The following ARHGAP42 variants were observed in gnomAD, a reference collection of about 807,000 sequenced individuals.
The protein encoded by ARHGAP42 is rho GTPase-activating protein 42.
A neutral mutation model predicts 125.0 loss-of-function variants in ARHGAP42; 63 were observed. That is an observed-to-expected ratio of 0.50 (90% CI 0.41 to 0.62). ARHGAP42 has a LOEUF of 0.62. ARHGAP42 is among the 20% of genes least tolerant of loss of function. The pLI, the probability that ARHGAP42 is intolerant of heterozygous loss-of-function variation, is 0.00. For synonymous variants in ARHGAP42, 339 were observed against 351.0 expected, an observed-to-expected ratio of 0.97 and a Z score of 0.38; for missense variants, 766 against 1,024.2, an observed-to-expected ratio of 0.75 and a Z score of 3.44.
At chr11:100,936,071 C>T in intron 7 of ARHGAP42, 132 bp from the exon 8 acceptor site, 1 of 1,108,268 alleles carries the variant, frequency 9.0e-7, no homozygotes. Context: ...TGCAGTGAGC[C>T]ATAATTGCAC....
intron 3 of ARHGAP42, among the ~76,000 whole-genome samples, chr11:100,848,889 G>A (rs1865134851): frequency 6.6e-6 from 1 of 152,174 alleles, no homozygotes; most frequent in Non-Finnish European, 1.5e-5. Flanking sequence ...ACATGGCATA[G>A]CCTTTCTGCT....
chr11:100,741,258 T>A (rs372286517), intron 1 of ARHGAP42, among the ~76,000 whole-genome samples: 10 of 152,250 alleles, frequency 6.6e-5, no homozygotes, highest in African/African-American at 2.4e-4. Flanking sequence ...CTCAAACTCC[T>A]GACCTCAAGT....
chr11:100,818,393 T>C (rs1864322041), intron 3 of ARHGAP42, among the ~76,000 whole-genome samples: 1 of 152,140 alleles, frequency 6.6e-6, no homozygotes, highest in Non-Finnish European at 1.5e-5. Context: ...TAGGATGTGA[T>C]GGGTGCTAGA....
chr11:100,912,197 G>C (rs1026713966), intron 4 of ARHGAP42, among the ~76,000 whole-genome samples: 4 of 152,106 alleles, frequency 2.6e-5, no homozygotes, highest in Non-Finnish European at 4.4e-5. Context: ...CCTTAAGCTA[G>C]AAGATTTTCC....
chr11:100,849,095 G>T (rs925369814), intron 3 of ARHGAP42, among the ~76,000 whole-genome samples: 2 of 152,228 alleles, frequency 1.3e-5, no homozygotes, highest in African/African-American at 2.4e-5. Flanking sequence ...AAAGAGGTCA[G>T]ATGTTAATGA....
Position 100,859,526 on chromosome 11 carries a change from T to C in ARHGAP42, c.313-28T>C, listed in dbSNP as rs1017451544. ...GTTGTTGGCATGAAATTATGCAAGA[T>C]TTAATATATGTGCATTTTTTATTTC... On this transcript the variant is annotated intron_variant, in intron 3 of 23. Coordinates refer to ENST00000298815, the MANE Select transcript of ARHGAP42 (RefSeq NM_152432.4). The C allele has an allele frequency of 2.0e-6, 3 of 1,517,528 alleles. No individual in the cohort carries two copies. The African/African-American group carries it at 4.2e-5, about 21-fold the overall frequency. 94.0% of individuals were successfully genotyped at this position (1,517,528 alleles called of 1,614,324 possible). A position where few individuals can be genotyped will look rare whatever the true frequency, so the allele number is the denominator to read the frequency against.
chr11:100,912,687 A>G (rs1431487981), intron 4 of ARHGAP42, among the ~76,000 whole-genome samples: 3 of 152,216 alleles, frequency 2.0e-5, no homozygotes, highest in East Asian at 3.9e-4. Flanking sequence ...ATTTCATTCC[A>G]TTTGCATTTC....
At chr11:100,766,483 CTTTA>C (rs965170226) in intron 1 of ARHGAP42, among the ~76,000 whole-genome samples, 1 of 152,098 alleles carries the variant, frequency 6.6e-6, no homozygotes, top group African/African-American at 2.4e-5. Context: ...TATGGATGAA[CTTTA>C]TTTAAAAGGT....
chr11:100,876,416 T>TA (rs1865826123), intron 4 of ARHGAP42, among the ~76,000 whole-genome samples: 1 of 122,192 alleles, frequency 8.2e-6, no homozygotes, highest in Non-Finnish European at 1.9e-5. Flanking sequence ...GAAGGTCAGG[T>TA]AAAAACACTT....
At chr11:100,930,433 T>C (rs1192841038) in intron 6 of ARHGAP42, among the ~76,000 whole-genome samples, 3 of 152,172 alleles carry the variant, frequency 2.0e-5, no homozygotes, top group Non-Finnish European at 4.4e-5. Flanking sequence ...CTTCCAAAGA[T>C]GTGGAATAAA....
At chr11:100,890,951 T>G (rs1328273455) in intron 4 of ARHGAP42, among the ~76,000 whole-genome samples, 1 of 152,116 alleles carries the variant, frequency 6.6e-6, no homozygotes, top group Non-Finnish European at 1.5e-5. Context: ...GCCTGTGAGG[T>G]TCTCTCCAAG....
At chr11:100,698,991 C>CA (rs77474430) in intron 1 of ARHGAP42, among the ~76,000 whole-genome samples, 8,553 of 152,216 alleles carry the variant, frequency 0.056, 361 homozygotes, top group East Asian at 0.21. Flanking sequence ...TGTGATGTTG[C>CA]AGAGCTCCTC....
intron 21 of ARHGAP42, among the ~76,000 whole-genome samples, chr11:100,977,705 A>C (rs979537918): frequency 1.3e-5 from 2 of 152,166 alleles, no homozygotes; most frequent in African/African-American, 4.8e-5. Context: ...ATCTCTTTTA[A>C]GGTCTGCAGT....
chr11:100,724,282 T>C (rs7130275), intron 1 of ARHGAP42, among the ~76,000 whole-genome samples: 85,797 of 151,900 alleles, frequency 0.56, 24,678 homozygotes, highest in African/African-American at 0.69. Flanking sequence ...GTAGTTTTCC[T>C]TTTTTGTCAT....
rs1858821255 is a variant in ARHGAP42 at position 100,991,156 on chromosome 11, A to G, written c.*2355A>G. 1 of 151,954 alleles carries G rather than the reference A, an allele frequency of 6.6e-6. No homozygotes were observed. Among genetic ancestry groups the G allele is most frequent in the East Asian group, 1.9e-4 (1 of 5,188 alleles). 9.4% of individuals were successfully genotyped at this position (151,954 alleles called of 1,614,324 possible). A position where few individuals can be genotyped will look rare whatever the true frequency, so the allele number is the denominator to read the frequency against. ...GAACTTTTAATCTTCTAGATTTGTG[A>G]GGATGGCTCTTTTTCCTTCATAATG... On this transcript the variant is annotated 3_prime_UTR_variant, in exon 24 of 24. Coordinates refer to ENST00000298815, the MANE Select transcript of ARHGAP42 (RefSeq NM_152432.4).
At position 100,974,481 on chromosome 11, in the gene ARHGAP42, C is replaced by T; in HGVS notation, c.1733C>T (p.Pro578Leu). 6.5e-7 allele frequency: 1 copy of T among 1,549,858 alleles called. No individual in the cohort carries two copies. Among genetic ancestry groups the T allele is most frequent in the Non-Finnish European group, 8.7e-7 (1 of 1,146,570 alleles). The change falls in exon 19 of 24, where the codon CCA (proline) becomes CTA (leucine). Residue 578 changes from proline to leucine, a missense_variant. Physicochemically the swap from Pro to Leu is moderately conservative, Grantham distance 98. Coordinates refer to ENST00000298815, the MANE Select transcript of ARHGAP42 (RefSeq NM_152432.4). ...TAGATTTTTCATACTGCTCCAGACC[C>T]AAGCATTCCTCTTCCTCAGCCTCAG... ...YEKIFHTAPD[P>L]SIPLPQPQSR...
chr11:100,935,400 C>T (rs771214474), intron 7 of ARHGAP42, among the ~76,000 whole-genome samples: 6 of 152,052 alleles, frequency 3.9e-5, no homozygotes, highest in Admixed American at 2.0e-4. Flanking sequence ...AACCAAGCTA[C>T]GTGATGTTTC....
intron 2 of ARHGAP42, among the ~76,000 whole-genome samples, chr11:100,791,630 C>T (rs151228913): frequency 6.8e-6 from 1 of 146,518 alleles, no homozygotes; most frequent in Non-Finnish European, 1.5e-5. Flanking sequence ...ACTGAGACTA[C>T]AAAATTTAAA....
intron 20 of ARHGAP42, 88 bp from the exon 21 acceptor site, chr11:100,976,727 A>G: frequency 1.4e-6 from 2 of 1,468,764 alleles, no homozygotes; most frequent in Non-Finnish European, 1.8e-6. Flanking sequence ...TCAGAGAAAA[A>G]TGCTTCCTTT....
Sources: gnomAD v4.1 joint callset for allele counts (sites outside exome capture counted in the v4.1 genomes callset) on GRCh38, gnomAD v4.1.1 for gene constraint, MANE v1.5 for transcripts, NCBI Gene and HGNC (gene_info 2026-07-23, HGNC 2026-07-21) for gene names.